Variants in GRM7 observed in about 807,000 individuals in gnomAD.
GRM7 encodes glutamate metabotropic receptor 7.
GRM7 carries 35 observed loss-of-function variants against 84.5 expected under a neutral mutation model. The ratio of observed to expected loss-of-function variants is 0.41; its 90% confidence interval spans 0.32 to 0.55. The LOEUF (loss-of-function observed/expected upper bound fraction) is 0.55, where lower values mean the gene tolerates loss of function less well. Among genes scored for constraint, GRM7 ranks in the 20% least tolerant of loss-of-function variants. The pLI is 0.19. For missense variants in GRM7, 1,003 were observed against 1,194.6 expected, an observed-to-expected ratio of 0.84 and a Z score of 2.36; for synonymous variants, 487 against 455.1, an observed-to-expected ratio of 1.07 and a Z score of -0.89.
chr3:7,528,066 T>C (rs935913205), intron 7 of GRM7, among the ~76,000 whole-genome samples: 19 of 152,098 alleles, frequency 1.2e-4, no homozygotes, highest in African/African-American at 4.1e-4. Flanking sequence ...CCCTCCTCCT[T>C]AATTTTGTGG....
At chr3:7,446,696 G>A (rs1170234928) in intron 5 of GRM7, among the ~76,000 whole-genome samples, 2 of 152,064 alleles carry the variant, frequency 1.3e-5, no homozygotes, top group Non-Finnish European at 2.9e-5. Flanking sequence ...CTGACCTCAG[G>A]TGATCTGCCC....
At chr3:7,616,674 T>C (rs1405768420) in intron 8 of GRM7, among the ~76,000 whole-genome samples, 1 of 152,182 alleles carries the variant, frequency 6.6e-6, no homozygotes, top group Admixed American at 6.6e-5. Flanking sequence ...TTTGGATTTA[T>C]AATAAACTTC....
intron 8 of GRM7, among the ~76,000 whole-genome samples, chr3:7,606,680 T>C (rs1484797058): frequency 6.6e-6 from 1 of 152,022 alleles, no homozygotes; most frequent in Non-Finnish European, 1.5e-5. Context: ...ATCACAGGCG[T>C]GCACAACCAC....
At chr3:7,563,819 C>T (rs1694141728) in intron 7 of GRM7, among the ~76,000 whole-genome samples, 1 of 152,100 alleles carries the variant, frequency 6.6e-6, no homozygotes, top group Non-Finnish European at 1.5e-5. Flanking sequence ...CACTTGCCTT[C>T]CAAGAAGGTA....
At chr3:7,630,048 G>T (rs1455581773) in intron 8 of GRM7, among the ~76,000 whole-genome samples, 3 of 152,204 alleles carry the variant, frequency 2.0e-5, no homozygotes, top group Non-Finnish European at 4.4e-5. Flanking sequence ...TTTAAAGCAA[G>T]TTACATTGTT....
chr3:6,891,400 C>T (rs1205970976), intron 1 of GRM7, among the ~76,000 whole-genome samples: 1 of 152,188 alleles, frequency 6.6e-6, no homozygotes. Flanking sequence ...TTAGTGCTTC[C>T]TTCAGGAGCT....
intron 7 of GRM7, among the ~76,000 whole-genome samples, chr3:7,477,475 A>G (rs1481470731): frequency 1.3e-5 from 2 of 152,180 alleles, no homozygotes; most frequent in African/African-American, 2.4e-5. Flanking sequence ...GCAGAGATCA[A>G]TTACTACCCA....
chr3:7,241,595 T>C (rs1345018935), intron 2 of GRM7, among the ~76,000 whole-genome samples: 11 of 152,114 alleles, frequency 7.2e-5, no homozygotes, highest in Non-Finnish European at 8.8e-5. Flanking sequence ...GACTCTATGC[T>C]AGATACTCTC....
At chr3:7,116,975 A>C (rs1350330094) in intron 1 of GRM7, among the ~76,000 whole-genome samples, 2 of 152,160 alleles carry the variant, frequency 1.3e-5, no homozygotes, top group Non-Finnish European at 2.9e-5. Flanking sequence ...AGGGAATAAA[A>C]TTTTGACTCA....
intron 1 of GRM7, among the ~76,000 whole-genome samples, chr3:6,992,468 T>C (rs1425496932): frequency 2.0e-5 from 3 of 152,160 alleles, no homozygotes; most frequent in Non-Finnish European, 4.4e-5. Flanking sequence ...TTCATATCAA[T>C]AATGCTGCCT....
intron 7 of GRM7, among the ~76,000 whole-genome samples, chr3:7,487,565 G>T (rs1410560912): frequency 6.6e-6 from 1 of 152,146 alleles, no homozygotes; most frequent in African/African-American, 2.4e-5. Flanking sequence ...CTTCAGTCTT[G>T]GCTCAAGTGG....
chr3:7,315,392 C>A (rs1229748678), intron 4 of GRM7, among the ~76,000 whole-genome samples: 5 of 152,198 alleles, frequency 3.3e-5, no homozygotes, highest in African/African-American at 1.2e-4. Flanking sequence ...CCAGCTTTTT[C>A]TCCTAGGCTT....
chr3:7,340,419 G>C (rs1182448167), intron 4 of GRM7, among the ~76,000 whole-genome samples: 1 of 152,084 alleles, frequency 6.6e-6, no homozygotes, highest in Non-Finnish European at 1.5e-5. Context: ...GAGTGTGTAT[G>C]GGAAGCAAAG....
chr3:7,406,492 T>C (rs986170478), intron 4 of GRM7, among the ~76,000 whole-genome samples: 2 of 151,162 alleles, frequency 1.3e-5, no homozygotes, highest in African/African-American at 2.5e-5. Flanking sequence ...AGAGCAAGAC[T>C]CTGTCTCAAA....
Position 7,067,292 on chromosome 3 carries a change from T to C in GRM7, c.520-79160T>C, listed in dbSNP as rs187625586. Among the ~76,000 whole-genome samples the C allele has an allele frequency of 6.6e-5, 10 of 152,006 alleles. No individual in the cohort carries two copies. The East Asian group carries it at 1.6e-3, about 24-fold the overall frequency. ...AACCCTACGGACTCCTCCAGAAAGC[T>C]CCTAGAACTGATAAAAGAATTCAGC... On this transcript the variant is annotated intron_variant, in intron 1 of 9. Coordinates refer to ENST00000357716, the MANE Select transcript of GRM7 (RefSeq NM_000844.4).
intron 1 of GRM7, among the ~76,000 whole-genome samples, chr3:6,963,276 T>C (rs1261574307): frequency 6.6e-6 from 1 of 152,220 alleles, no homozygotes; most frequent in Non-Finnish European, 1.5e-5. Context: ...AGAACTTTTA[T>C]GGGCTGACAT....
At chr3:7,227,138 C>T (rs41467846) in intron 2 of GRM7, among the ~76,000 whole-genome samples, 1,850 of 152,252 alleles carry the variant, frequency 0.012, 40 homozygotes, top group African/African-American at 0.042. Context: ...GCCTGTTAAA[C>T]TGTAGAAGTC....
At chr3:7,700,185 C>G (rs183386630) in intron 9 of GRM7, among the ~76,000 whole-genome samples, 7 of 152,258 alleles carry the variant, frequency 4.6e-5, no homozygotes, top group Non-Finnish European at 1.0e-4. Flanking sequence ...CTGCTTTCAA[C>G]AAGGGCACAT....
chr3:7,434,871 T>C (rs1166914981), intron 5 of GRM7, among the ~76,000 whole-genome samples: 2 of 152,162 alleles, frequency 1.3e-5, no homozygotes, highest in South Asian at 2.1e-4. Flanking sequence ...ATTTTAGTAA[T>C]GTTATATATT....
Sources: gnomAD v4.1 joint callset for allele counts (sites outside exome capture counted in the v4.1 genomes callset) on GRCh38, gnomAD v4.1.1 for gene constraint, MANE v1.5 for transcripts, NCBI Gene and HGNC (gene_info 2026-07-23, HGNC 2026-07-21) for gene names.